Variants in CLIP2 observed in about 807,000 individuals in gnomAD.
The protein encoded by CLIP2 is CAP-Gly domain containing linker protein 2.
A neutral mutation model predicts 111.7 loss-of-function variants in CLIP2; 41 were observed. That is an observed-to-expected ratio of 0.37 (90% CI 0.29 to 0.48). The LOEUF is 0.48. Among genes scored for constraint, CLIP2 ranks in the 20% least tolerant of loss-of-function variants. The probability of loss-of-function intolerance (pLI) is 0.99; values close to 1 mark genes in which losing one functional copy is unlikely to be tolerated. For missense variants in CLIP2, 1,160 were observed against 1,422.1 expected (o/e 0.82, Z 2.96); for synonymous variants, 660 against 644.2 (o/e 1.02, Z -0.37).
Position 74,400,499 on chromosome 7 carries a change from G to A in CLIP2, c.3010G>A (p.Ala1004Thr). Reference sequence around the variant, plus strand: ...CGCCCTGCGGGATGCGCTGGACCAGGCTCAGCAGGTGGAGAAGCTGATGGA... The same window carrying A: ...CGCCCTGCGGGATGCGCTGGACCAGACTCAGCAGGTGGAGAAGCTGATGGA... ...EDALRDALDQAQQVEKLMEAM... is the reference protein window; with the variant it reads ...EDALRDALDQTQQVEKLMEAM... Residue 1004 changes from alanine to threonine, a missense_variant, in exon 15 of 17, where the codon GCT (alanine) becomes ACT (threonine). By Grantham distance (58) the Ala-to-Thr change is moderately conservative. Transcript: ENST00000223398. The A allele has an allele frequency of 6.2e-7, 1 of 1,612,284 alleles. No homozygotes were observed. Among genetic ancestry groups the A allele is most frequent in the Non-Finnish European group, 8.5e-7 (1 of 1,179,112 alleles).
At chr7:74,353,150 C>CA (rs563800750) in intron 3 of CLIP2, among the ~76,000 whole-genome samples, 167 of 139,030 alleles carry the variant, frequency 1.2e-3, no homozygotes, top group Middle Eastern at 7.9e-3. Context: ...GACCCTATCT[C>CA]AAAAAAAAAA....
intron 2 of CLIP2, among the ~76,000 whole-genome samples, chr7:74,334,076 A>G (rs1554731736): frequency 6.6e-6 from 1 of 152,098 alleles, no homozygotes; most frequent in African/African-American, 2.4e-5. Flanking sequence ...GTCCTTTGTT[A>G]TGTCATGGAG....
intron 1 of CLIP2, among the ~76,000 whole-genome samples, chr7:74,296,816 A>G (rs544237475): frequency 3.4e-4 from 52 of 151,836 alleles, no homozygotes; most frequent in African/African-American, 1.2e-3. Flanking sequence ...GAGAAAAGAA[A>G]AAGAAACCAA....
chr7:74,310,553 G>T (rs1316930414), intron 1 of CLIP2, among the ~76,000 whole-genome samples: 1 of 151,998 alleles, frequency 6.6e-6, no homozygotes, highest in Non-Finnish European at 1.5e-5. Context: ...ATGAAAAACA[G>T]CTGCCCTACT....
At chr7:74,385,113 T>C (rs28775025) in intron 11 of CLIP2, among the ~76,000 whole-genome samples, 40,411 of 135,198 alleles carry the variant, frequency 0.3, 6,627 homozygotes, top group African/African-American at 0.44. Context: ...CCTGTCTCTA[T>C]TAAAAATACA....
intron 10 of CLIP2, among the ~76,000 whole-genome samples, chr7:74,379,534 A>G (rs1283929798): frequency 3.9e-5 from 6 of 152,200 alleles, no homozygotes; most frequent in Admixed American, 2.6e-4. Flanking sequence ...ATGCCAAGGC[A>G]GGTGGATCAC....
At chr7:74,394,528 G>T (rs1330364830) in intron 13 of CLIP2, among the ~76,000 whole-genome samples, 1 of 152,196 alleles carries the variant, frequency 6.6e-6, no homozygotes, top group African/African-American at 2.4e-5. Context: ...GGGAGCACAG[G>T]CGTGGGCCAC....
At chr7:74,398,434 C>T (rs2116708818) in intron 14 of CLIP2, among the ~76,000 whole-genome samples, 1 of 152,308 alleles carries the variant, frequency 6.6e-6, no homozygotes, top group East Asian at 1.9e-4. Flanking sequence ...AAGCCTGAGC[C>T]TGGTGAACGT....
In CLIP2 at chr7:74,400,455, A is replaced by G. The variant is rs1791588134; in HGVS notation, c.2966A>G (p.Gln989Arg). ...SAPELLRLQH[Q>R]LMSTEDALRD... ...CCCGAGCTTCTGCGGCTGCAGCACC[A>G]GCTGATGAGCACGGAGGACGCCCTG... The change falls in exon 15 of 17, where the codon CAG becomes CGG. Residue 989 changes from glutamine to arginine, a missense_variant. Coordinates refer to ENST00000223398, the MANE Select transcript of CLIP2 (RefSeq NM_003388.5). 4.3e-6 allele frequency: 7 copies of G among 1,613,970 alleles called. No individual in the cohort carries two copies. The African/African-American group carries it at 6.7e-5, about 15-fold the overall frequency.
intron 1 of CLIP2, among the ~76,000 whole-genome samples, chr7:74,297,365 G>T (rs1788200018): frequency 6.6e-6 from 1 of 151,978 alleles, no homozygotes; most frequent in Admixed American, 6.6e-5. Flanking sequence ...GTGCCACTGG[G>T]GTGGGAGGAG....
rs782783527 is a variant in CLIP2 at position 74,386,509 on chromosome 7, T to C, written c.2480-12T>C. ...GAGCATTGATGCTTCTCGTCTCTCCTCTCTCCCCTAGGCCTGCAGGACAAG... is the reference window on the plus strand; with the variant it reads ...GAGCATTGATGCTTCTCGTCTCTCCCCTCTCCCCTAGGCCTGCAGGACAAG... On this transcript the variant is annotated splice_polypyrimidine_tract_variant and intron_variant, in intron 11 of 16. Transcript: ENST00000223398. The C allele has an allele frequency of 6.8e-6, 11 of 1,610,170 alleles. No individual in the cohort carries two copies. Among genetic ancestry groups the C allele is most frequent in the Non-Finnish European group, 1.7e-6 (2 of 1,177,890 alleles).
intron 1 of CLIP2, among the ~76,000 whole-genome samples, chr7:74,290,346 GT>G (rs1787979644): frequency 6.6e-6 from 1 of 152,200 alleles, no homozygotes. Flanking sequence ...CTCAGGGGGT[GT>G]CCCCCCAAGC....
At chr7:74,394,881 C>A (rs1440447741) in intron 13 of CLIP2, among the ~76,000 whole-genome samples, 4 of 152,178 alleles carry the variant, frequency 2.6e-5, no homozygotes, top group African/African-American at 4.8e-5. Flanking sequence ...AAAAGTTATT[C>A]TTGGTGCCCT....
At chr7:74,357,597 G>A (rs2116609092) in intron 6 of CLIP2, 120 bp downstream of exon 6, 4 of 836,322 alleles carry the variant, frequency 4.8e-6, no homozygotes, top group Middle Eastern at 3.6e-4. Context: ...AACACAAGCA[G>A]TACCTGTCCC....
rs536162344 is a variant in CLIP2, at chr7:74,375,948, G to T, written c.1547G>T (p.Arg516Leu). 3.1e-6 allele frequency: 5 copies of T among 1,604,520 alleles called. No homozygotes were observed. The highest frequency in any genetic ancestry group is 3.4e-5 in the Admixed American group (2 of 58,550). Residue 516 changes from arginine to leucine, a missense_variant, in exon 10 of 17, where the codon CGA becomes CTA. Physicochemically the swap from Arg to Leu is moderately radical, Grantham distance 102. Transcript: ENST00000223398. Reference sequence around the variant, plus strand: ...CTGGAGGAGGAGCTCACCCTGCGCCGAGGTGAAATCGAGGAGCTCCAGCAG... The same window carrying T: ...CTGGAGGAGGAGCTCACCCTGCGCCTAGGTGAAATCGAGGAGCTCCAGCAG... ...LQLEEELTLR[R>L]GEIEELQQCL... is the part of the protein sequence containing the mutation.
chr7:74,329,404 A>C (rs184346619), intron 2 of CLIP2, among the ~76,000 whole-genome samples: 5 of 152,080 alleles, frequency 3.3e-5, no homozygotes, highest in Admixed American at 3.3e-4. Flanking sequence ...TTGAATGTTA[A>C]ATCATGTGGT....
At chr7:74,326,146 A>T (rs1789100217) in intron 2 of CLIP2, among the ~76,000 whole-genome samples, 1 of 152,184 alleles carries the variant, frequency 6.6e-6, no homozygotes. Context: ...AGGCTGAGGC[A>T]GGAGAATGGC....
At chr7:74,313,718 A>G (rs998072798) in intron 1 of CLIP2, among the ~76,000 whole-genome samples, 8 of 152,032 alleles carry the variant, frequency 5.3e-5, no homozygotes, top group East Asian at 1.9e-4. Flanking sequence ...TCTGGCTTCC[A>G]TCCTACACCC....
intron 7 of CLIP2, among the ~76,000 whole-genome samples, chr7:74,361,619 G>T (rs1483641216): frequency 6.6e-6 from 1 of 152,152 alleles, no homozygotes; most frequent in African/African-American, 2.4e-5. Context: ...CTGGGCTCAT[G>T]CGATCCTCCC....
Sources: allele counts gnomAD v4.1 joint callset (sites outside exome capture counted in the v4.1 genomes callset), GRCh38; gene constraint gnomAD v4.1.1; transcripts MANE v1.5; gene names NCBI Gene and HGNC (gene_info 2026-07-23, HGNC 2026-07-21).